Variants in ARHGAP24 observed in about 807,000 individuals in gnomAD.
The protein encoded by ARHGAP24 is Rho GTPase activating protein 24.
Under a neutral mutation model 76.4 loss-of-function variants are expected in ARHGAP24, and 50 were observed. The ratio of observed to expected loss-of-function variants is 0.65; its 90% CI spans 0.52 to 0.83. The LOEUF is 0.83. Ranked by LOEUF, ARHGAP24 falls within the 40% of genes least tolerant of loss-of-function variation. The probability of loss-of-function intolerance (pLI) is 0.00; values close to 1 mark genes in which losing one functional copy is unlikely to be tolerated. For missense variants in ARHGAP24, 930 were observed against 914.2 expected, an observed-to-expected ratio of 1.02 and a Z score of -0.22; for synonymous variants, 345 against 323.3, an observed-to-expected ratio of 1.07 and a Z score of -0.72.
At chr4:85,843,884 A>G (rs967443308) in intron 3 of ARHGAP24, among the ~76,000 whole-genome samples, 1 of 152,164 alleles carries the variant, frequency 6.6e-6, no homozygotes, top group Non-Finnish European at 1.5e-5. Context: ...GTTGAACTAT[A>G]TGGGGTTTTC....
chr4:85,579,845 C>G (rs1446387650), intron 2 of ARHGAP24, among the ~76,000 whole-genome samples: 1 of 151,716 alleles, frequency 6.6e-6, no homozygotes, highest in African/African-American at 2.4e-5. Flanking sequence ...TTTTAAAATC[C>G]ATTTGTCGGT....
intron 4 of ARHGAP24, among the ~76,000 whole-genome samples, chr4:85,929,251 C>T (rs1404557096): frequency 6.6e-6 from 1 of 152,092 alleles, no homozygotes; most frequent in Non-Finnish European, 1.5e-5. Flanking sequence ...AGGTAAAATA[C>T]CATTTGAACC....
chr4:85,544,736 G>T (rs1372784808), intron 1 of ARHGAP24, among the ~76,000 whole-genome samples: 2 of 151,644 alleles, frequency 1.3e-5, no homozygotes, highest in African/African-American at 4.8e-5. Flanking sequence ...AAATTTTTTT[G>T]CAAGACAATG....
At position 85,710,715 on chromosome 4, in the gene ARHGAP24, G is replaced by A. The variant is rs143696620; in HGVS notation, c.181-11170G>A. ...CAAAAAGCATATGAAAATACAGGTC[G>A]ACATCACTGATCATTAGAGAAATGC... On this transcript the variant is annotated intron_variant, in intron 2 of 9. Transcript: ENST00000395184. Among the ~76,000 whole-genome samples the A allele has an allele frequency of 3.3e-3, 503 of 152,210 alleles. 3 individuals are homozygous for A. Among genetic ancestry groups the A allele is most frequent in the African/African-American group, 0.011 (476 of 41,548 alleles).
At chr4:85,740,501 A>G (rs76426316) in intron 3 of ARHGAP24, among the ~76,000 whole-genome samples, 1 of 151,888 alleles carries the variant, frequency 6.6e-6, no homozygotes, top group African/African-American at 2.4e-5. Context: ...GAGTCACCCC[A>G]CCCAGCCGAT....
intron 2 of ARHGAP24, among the ~76,000 whole-genome samples, chr4:85,686,314 C>T (rs72972850): frequency 0.05 from 7,675 of 152,198 alleles, 618 homozygotes; most frequent in African/African-American, 0.18. Flanking sequence ...ATGGAGCTAG[C>T]ATTTACTAGA....
intron 3 of ARHGAP24, among the ~76,000 whole-genome samples, chr4:85,784,917 A>G (rs1434877005): frequency 1.8e-4 from 4 of 22,028 alleles, no homozygotes; most frequent in African/African-American, 5.2e-4. Flanking sequence ...CTATCTATCT[A>G]TCTATCTATC....
rs552933688 is a variant in ARHGAP24, at chr4:85,947,483, A to G, written c.599+5210A>G. On this transcript the variant is annotated intron_variant, in intron 5 of 9. Coordinates refer to ENST00000395184, the MANE Select transcript of ARHGAP24 (RefSeq NM_001025616.3). ...GCCTTGATCACCTCCCAAAGGCTTC[A>G]CCTCCTAATACAATTACAGTGGTGA... 6.4e-4 allele frequency among the ~76,000 whole-genome samples: 97 copies of G among 152,228 alleles called. 1 individual carries two copies. Among genetic ancestry groups the G allele is most frequent in the Middle Eastern group, 6.8e-3 (2 of 294 alleles).
chr4:85,502,754 AT>A (rs1178020729), intron 1 of ARHGAP24, among the ~76,000 whole-genome samples: 1 of 152,130 alleles, frequency 6.6e-6, no homozygotes, highest in African/African-American at 2.4e-5. Context: ...TTCCAACACT[AT>A]GTTGAATAGG....
chr4:85,748,498 TC>T (rs1287329278), intron 3 of ARHGAP24, among the ~76,000 whole-genome samples: 1 of 152,210 alleles, frequency 6.6e-6, no homozygotes, highest in African/African-American at 2.4e-5. Flanking sequence ...ACTCAGTTGT[TC>T]CTGATAACAA....
At chr4:85,726,833 G>A (rs960474357) in intron 3 of ARHGAP24, among the ~76,000 whole-genome samples, 3 of 152,094 alleles carry the variant, frequency 2.0e-5, no homozygotes, top group Non-Finnish European at 2.9e-5. Context: ...TTCTGCAAAC[G>A]ACAGATCTGA....
At chr4:85,497,943 G>A (rs1282642464) in intron 1 of ARHGAP24, among the ~76,000 whole-genome samples, 2 of 152,132 alleles carry the variant, frequency 1.3e-5, no homozygotes, top group Non-Finnish European at 2.9e-5. Flanking sequence ...GGTCTCCCTC[G>A]GTGTTCAATT....
intron 1 of ARHGAP24, among the ~76,000 whole-genome samples, chr4:85,507,436 A>G (rs940901664): frequency 3.3e-5 from 5 of 152,138 alleles, no homozygotes; most frequent in Non-Finnish European, 7.3e-5. Context: ...TGTTTGTTTC[A>G]TCTTATCCAT....
At chr4:85,906,838 T>C (rs1014328272) in intron 3 of ARHGAP24, among the ~76,000 whole-genome samples, 48 of 152,112 alleles carry the variant, frequency 3.2e-4, no homozygotes, top group Non-Finnish European at 1.5e-5. Flanking sequence ...AGATTTTTTT[T>C]ATATTTAAAC....
intron 3 of ARHGAP24, among the ~76,000 whole-genome samples, chr4:85,913,592 C>A (rs565978234): frequency 1.3e-5 from 2 of 152,130 alleles, no homozygotes; most frequent in East Asian, 3.9e-4. Context: ...TTGGTCTAGA[C>A]CTCTCCCGTA....
In ARHGAP24 at chr4:85,647,972, G is replaced by A. The variant is rs529959665; in HGVS notation, c.181-73913G>A. ...GTATTTTTTTTCTAGAGTCATTGCT[G>A]TACCAGCAATCCTTAGAAAAATGGT... On this transcript the variant is annotated intron_variant, in intron 2 of 9. Coordinates refer to ENST00000395184, the MANE Select transcript of ARHGAP24 (RefSeq NM_001025616.3). 5.9e-5 allele frequency among the ~76,000 whole-genome samples: 9 copies of A among 152,200 alleles called. No homozygotes were observed. The East Asian group carries it at 1.2e-3, about 20-fold the overall frequency.
chr4:85,603,166 T>C (rs1295766490), intron 2 of ARHGAP24, among the ~76,000 whole-genome samples: 1 of 152,230 alleles, frequency 6.6e-6, no homozygotes, highest in East Asian at 1.9e-4. Context: ...TTTACATAAT[T>C]AACATAGCCT....
Position 85,960,962 on chromosome 4 carries a change from G to A in ARHGAP24, c.600-11074G>A, listed in dbSNP as rs115672909. On this transcript the variant is annotated intron_variant, in intron 5 of 9. Coordinates refer to ENST00000395184, the MANE Select transcript of ARHGAP24 (RefSeq NM_001025616.3). ...AAACTAGATTTTGATTTATAACAAAGCAATAATAACAAGAACCAAACCAGA... is the reference window on the plus strand; with the variant it reads ...AAACTAGATTTTGATTTATAACAAAACAATAATAACAAGAACCAAACCAGA... Among the ~76,000 whole-genome samples, 382 of 152,152 alleles carry A rather than the reference G, an allele frequency of 2.5e-3. 1 individual carries two copies. The highest frequency in any genetic ancestry group is 4.6e-3 in the Non-Finnish European group (315 of 67,956).
chr4:85,594,147 T>TA (rs1728223306), intron 2 of ARHGAP24, among the ~76,000 whole-genome samples: 1 of 152,002 alleles, frequency 6.6e-6, no homozygotes, highest in African/African-American at 2.4e-5. Flanking sequence ...TTATAGTTTT[T>TA]ATTGTAGAAA....
Sources: allele counts gnomAD v4.1 joint callset (sites outside exome capture counted in the v4.1 genomes callset), GRCh38; gene constraint gnomAD v4.1.1; transcripts MANE v1.5; gene names NCBI Gene and HGNC (gene_info 2026-07-23, HGNC 2026-07-21).